Variants in UBE2E2 observed in about 807,000 individuals in gnomAD.
The protein encoded by UBE2E2 is ubiquitin conjugating enzyme E2 E2, also known as ubiquitin-conjugating enzyme E2 E2.
Under a neutral mutation model 24.7 loss-of-function variants are expected in UBE2E2, and 6 were observed. The observed-to-expected ratio is 0.24, with a 90% CI of 0.13 to 0.48. UBE2E2 has a LOEUF of 0.48. Ranked by LOEUF, UBE2E2 falls within the 20% of genes least tolerant of loss-of-function variation. The pLI, the probability that UBE2E2 is intolerant of heterozygous loss-of-function variation, is 0.99. For missense variants in UBE2E2, 169 were observed against 245.0 expected, an observed-to-expected ratio of 0.69 and a Z score of 2.07; for synonymous variants, 104 against 83.6, an observed-to-expected ratio of 1.24 and a Z score of -1.33.
rs771837873 is a variant in UBE2E2, at chr3:23,512,924, ACATACATACATACATG to A, written c.360+13200_360+13215del. ...TGTGGCAGAGCAGGACCTTGACCAT[ACATACATACATACATG>A]CATACATACATACATAAAAACTTAA... On this transcript the variant is annotated intron_variant, in intron 4 of 5. Transcript: ENST00000396703. Among the ~76,000 whole-genome samples the A allele has an allele frequency of 2.2e-4, 33 of 152,086 alleles. No individual in the cohort carries two copies. In the East Asian group the frequency reaches 4.6e-3, roughly 21 times the overall value.
chr3:23,351,303 C>T (rs899567988), intron 3 of UBE2E2, among the ~76,000 whole-genome samples: 4 of 152,194 alleles, frequency 2.6e-5, no homozygotes, highest in African/African-American at 9.6e-5. Context: ...TAAAAACCAT[C>T]AAGGCTAGGA....
At chr3:23,340,503 T>C (rs1476086615) in intron 3 of UBE2E2, among the ~76,000 whole-genome samples, 1 of 152,106 alleles carries the variant, frequency 6.6e-6, no homozygotes, top group African/African-American at 2.4e-5. Context: ...ATCCTTTAAA[T>C]AAATGTGCTT....
intron 3 of UBE2E2, among the ~76,000 whole-genome samples, chr3:23,288,512 T>C (rs947226193): frequency 1.6e-4 from 25 of 152,230 alleles, no homozygotes; most frequent in Non-Finnish European, 3.5e-4. Flanking sequence ...GAAACTGGGA[T>C]GTTGAAGTCT....
chr3:23,239,089 A>C (rs181551817), intron 3 of UBE2E2, among the ~76,000 whole-genome samples: 3 of 152,236 alleles, frequency 2.0e-5, no homozygotes, highest in Admixed American at 6.5e-5. Context: ...GTTTCTAAGT[A>C]GTTTTATATT....
intron 3 of UBE2E2, 54 bp from the exon 4 acceptor site, chr3:23,499,554 A>G (rs771192870): frequency 3.2e-5 from 50 of 1,570,468 alleles, no homozygotes; most frequent in Non-Finnish European, 4.0e-5. Flanking sequence ...ATTTTGTTAA[A>G]TTCCAGCCTT....
rs535571068 is a variant in UBE2E2, at chr3:23,293,886, C to T, written c.227+76574C>T. On this transcript the variant is annotated intron_variant, in intron 3 of 5. Coordinates refer to ENST00000396703, the MANE Select transcript of UBE2E2 (RefSeq NM_152653.4). ...TTCCCAGCTTTTTGGGAGGCTGAGT[C>T]GAGAGGATTCCTCAAGCCCAGGAGT... Among the ~76,000 whole-genome samples, 8 of 152,260 alleles carry T rather than the reference C, an allele frequency of 5.3e-5. No individual in the cohort carries two copies. In the East Asian group the frequency reaches 7.7e-4, roughly 15 times the overall value.
At chr3:23,550,244 T>A (rs1037384157) in intron 5 of UBE2E2, among the ~76,000 whole-genome samples, 1 of 152,166 alleles carries the variant, frequency 6.6e-6, no homozygotes, top group Non-Finnish European at 1.5e-5. Flanking sequence ...AGGATTATCT[T>A]CTGTCATCTA....
chr3:23,526,195 G>A (rs909864533), intron 4 of UBE2E2, among the ~76,000 whole-genome samples: 2 of 152,150 alleles, frequency 1.3e-5, no homozygotes, highest in East Asian at 1.9e-4. Context: ...TGGAGTGCCC[G>A]GCACATATTG....
intron 3 of UBE2E2, among the ~76,000 whole-genome samples, chr3:23,275,287 G>A (rs1698352102): frequency 1.3e-5 from 2 of 152,208 alleles, no homozygotes; most frequent in African/African-American, 2.4e-5. Context: ...AGCCTAGGTG[G>A]AGTAGCCAAG....
At chr3:23,402,886 T>C (rs766355590) in intron 3 of UBE2E2, among the ~76,000 whole-genome samples, 14 of 152,186 alleles carry the variant, frequency 9.2e-5, no homozygotes, top group Non-Finnish European at 1.9e-4. Flanking sequence ...AAACCAGAGA[T>C]GTGGTTGAGT....
At chr3:23,556,225 A>T (rs557423960) in intron 5 of UBE2E2, among the ~76,000 whole-genome samples, 67 of 143,576 alleles carry the variant, frequency 4.7e-4, no homozygotes, top group African/African-American at 1.5e-3. Flanking sequence ...GCTCACTGCA[A>T]CCTCCACCTC....
chr3:23,412,760 T>C (rs2125382971), intron 3 of UBE2E2, among the ~76,000 whole-genome samples: 1 of 152,264 alleles, frequency 6.6e-6, no homozygotes, highest in East Asian at 1.9e-4. Flanking sequence ...AGCATCACCA[T>C]TGCCTGGGAA....
chr3:23,259,668 G>T (rs1428318651), intron 3 of UBE2E2, among the ~76,000 whole-genome samples: 1 of 152,036 alleles, frequency 6.6e-6, no homozygotes, highest in Non-Finnish European at 1.5e-5. Context: ...ATAACATACA[G>T]AAAAATTACC....
At chr3:23,360,237 G>A (rs992052235) in intron 3 of UBE2E2, among the ~76,000 whole-genome samples, 7 of 152,098 alleles carry the variant, frequency 4.6e-5, no homozygotes, top group African/African-American at 1.7e-4. Flanking sequence ...GCATGTTTAT[G>A]CTGTACAGTA....
chr3:23,422,833 T>A (rs1407039360), intron 3 of UBE2E2, among the ~76,000 whole-genome samples: 1 of 152,034 alleles, frequency 6.6e-6, no homozygotes, highest in Non-Finnish European at 1.5e-5. Flanking sequence ...TTGTCAAAAG[T>A]GTCTAGGGAA....
intron 3 of UBE2E2, among the ~76,000 whole-genome samples, chr3:23,308,645 A>G (rs1318326431): frequency 6.6e-6 from 1 of 152,162 alleles, no homozygotes; most frequent in Admixed American, 6.5e-5. Context: ...TGGATCGCTT[A>G]CAAGATTAGC....
At chr3:23,223,027 T>C (rs28871023) in intron 3 of UBE2E2, among the ~76,000 whole-genome samples, 3,873 of 39,970 alleles carry the variant, frequency 0.097, 331 homozygotes, top group African/African-American at 0.22. Context: ...CCCCCCCCCT[T>C]TTTTTTTTTT....
intron 5 of UBE2E2, among the ~76,000 whole-genome samples, chr3:23,556,140 C>CTTTTTTT (rs71057604): frequency 4.5e-4 from 42 of 92,312 alleles, no homozygotes; most frequent in Non-Finnish European, 6.9e-4. Flanking sequence ...AATATACAAA[C>CTTTTTTT]TTTTTTTTTT....
chr3:23,305,871 A>G (rs1420580809), intron 3 of UBE2E2, among the ~76,000 whole-genome samples: 1 of 152,166 alleles, frequency 6.6e-6, no homozygotes, highest in Non-Finnish European at 1.5e-5. Flanking sequence ...CTGAGATTAC[A>G]GGTGTGAGCC....
Sources: gnomAD v4.1 joint callset for allele counts (sites outside exome capture counted in the v4.1 genomes callset) on GRCh38, gnomAD v4.1.1 for gene constraint, MANE v1.5 for transcripts, NCBI Gene and HGNC (gene_info 2026-07-23, HGNC 2026-07-21) for gene names.